The following RGPD3 variants were observed in gnomAD, a reference collection of about 807,000 sequenced individuals.
RGPD3 encodes the protein RANBP2 like and GRIP domain containing 3.
Under a neutral mutation model 154.5 loss-of-function variants are expected in RGPD3, and 62 were observed. That is an observed-to-expected ratio of 0.40 (90% CI 0.33 to 0.50). The LOEUF (loss-of-function observed/expected upper bound fraction) is 0.50, where lower values mean the gene tolerates loss of function less well. Ranked by LOEUF, RGPD3 falls within the 20% of genes least tolerant of loss-of-function variation. RGPD3 has a pLI of 0.59. For missense variants in RGPD3, 919 were observed against 1,716.8 expected, an observed-to-expected ratio of 0.54 and a Z score of 8.21; for synonymous variants, 308 against 607.0, an observed-to-expected ratio of 0.51 and a Z score of 7.24.
chr2:106,457,414 C>G (rs1219279350), intron 3 of RGPD3, among the ~76,000 whole-genome samples, 153 bp downstream of exon 3: 6 of 152,396 alleles, frequency 3.9e-5, no homozygotes, highest in Non-Finnish European at 7.3e-5. Flanking sequence ...TTAAACAATT[C>G]TAAATCTGTT....
At chr2:106,449,068 T>C (rs1181669349) in intron 6 of RGPD3, among the ~76,000 whole-genome samples, 4 of 151,664 alleles carry the variant, frequency 2.6e-5, no homozygotes, top group Non-Finnish European at 5.9e-5. Flanking sequence ...AATCTAGCTA[T>C]GTTCTATTAA....
At chr2:106,467,613 C>A (rs866527153) in intron 1 of RGPD3, among the ~76,000 whole-genome samples, 5 of 136,348 alleles carry the variant, frequency 3.7e-5, no homozygotes, top group East Asian at 2.1e-4. Flanking sequence ...AGGCAGCCGC[C>A]GGGCCGGGTC....
chr2:106,413,737 C>T (rs957830687), intron 21 of RGPD3, among the ~76,000 whole-genome samples: 12 of 152,076 alleles, frequency 7.9e-5, no homozygotes, highest in Admixed American at 2.0e-4. Flanking sequence ...AGTCCAGCAG[C>T]TTACCAAGTA....
Position 106,409,464 on chromosome 2 carries a change from A to G in RGPD3, c.5266+3620T>C, listed in dbSNP as rs1001462549. On this transcript the variant is annotated intron_variant, in intron 22 of 22. Transcript: ENST00000409886. ...TGTTTTCCAGAAGAGATCTTGGAAAATATAAAAGGTTGGCAGTTATTTCTT... is the reference window on the plus strand; with the variant it reads ...TGTTTTCCAGAAGAGATCTTGGAAAGTATAAAAGGTTGGCAGTTATTTCTT... Among the ~76,000 whole-genome samples the G allele has an allele frequency of 5.6e-4, 85 of 152,280 alleles. 1 individual carries two copies. The highest frequency in any genetic ancestry group is 3.4e-3 in the Middle Eastern group (1 of 294).
chr2:106,451,725 T>C (rs1279111382), intron 6 of RGPD3, among the ~76,000 whole-genome samples: 2 of 151,688 alleles, frequency 1.3e-5, no homozygotes, highest in Non-Finnish European at 2.9e-5. Flanking sequence ...AATCAAAATT[T>C]AGGAAAAAAG....
Position 106,405,070 on chromosome 2 carries a change from ACT to A in RGPD3, c.*147_*148del, listed in dbSNP as rs1484875194. The A allele has an allele frequency of 4.7e-6, 4 of 846,752 alleles. No homozygotes were observed. In the African/African-American group the frequency reaches 6.9e-5, roughly 15 times the overall value. The allele number at this position is 846,752 out of a possible 1,614,324, so 52.5% of individuals were successfully genotyped here. On this transcript the variant is annotated 3_prime_UTR_variant, in exon 23 of 23. Transcript: ENST00000409886. Reference sequence around the variant, plus strand: ...TATATGTAAATGCAAACATATACACACTTTTTGACAAAAGAATGATGGTAATA... The same window carrying A: ...TATATGTAAATGCAAACATATACACATTTTGACAAAAGAATGATGGTAATA...
At chr2:106,441,238 C>T (rs1169510717) in intron 8 of RGPD3, 55 bp downstream of exon 8, 1 of 1,571,212 alleles carries the variant, frequency 6.4e-7, no homozygotes, top group Non-Finnish European at 8.6e-7. Context: ...TAAGATATGC[C>T]TTAACAGAAA....
At chr2:106,414,382 G>C (rs906332665) in intron 21 of RGPD3, among the ~76,000 whole-genome samples, 1 of 152,168 alleles carries the variant, frequency 6.6e-6, no homozygotes, top group Non-Finnish European at 1.5e-5. Context: ...CCAACACTTT[G>C]GGAGGCTGAG....
intron 22 of RGPD3, among the ~76,000 whole-genome samples, chr2:106,410,475 C>G (rs1251584997): frequency 6.6e-6 from 1 of 152,038 alleles, no homozygotes; most frequent in Non-Finnish European, 1.5e-5. Context: ...TCAATGGACC[C>G]TTAACTTATA....
intron 22 of RGPD3, among the ~76,000 whole-genome samples, chr2:106,410,177 A>G (rs1676628119): frequency 6.6e-6 from 1 of 152,046 alleles, no homozygotes; most frequent in Non-Finnish European, 1.5e-5. Context: ...GCCAGGCCTT[A>G]CATTCTCTCT....
chr2:106,420,191 G>T (rs1465261254), intron 20 of RGPD3, among the ~76,000 whole-genome samples: 2 of 138,158 alleles, frequency 1.4e-5, no homozygotes, highest in Non-Finnish European at 3.1e-5. Context: ...GGTGACTAGA[G>T]TTGCATCTAG....
At position 106,468,282 on chromosome 2, in the gene RGPD3, AACTCATCGCGCC is replaced by A. The variant is rs1678711649; in HGVS notation, c.-6_6del. The A allele has an allele frequency of 6.2e-7, 1 of 1,606,628 alleles. No individual in the cohort carries two copies. The highest frequency in any genetic ancestry group is 1.7e-5 in the Admixed American group (1 of 59,360). The stretch of plus-strand genomic sequence containing the variant: ...TACCGCTCCCCGTAGGCCTTGCTGC[AACTCATCGCGCC>A]ACCAACCTGGCTCCCGAGATGCGTG... On this transcript the variant is annotated start_lost and 5_prime_UTR_variant, in exon 1 of 23. Transcript: ENST00000409886.
intron 1 of RGPD3, among the ~76,000 whole-genome samples, chr2:106,464,402 A>G (rs1053109191): frequency 2.0e-5 from 3 of 151,630 alleles, no homozygotes; most frequent in East Asian, 1.9e-4. Context: ...AAAAATAACA[A>G]AAGTATATAT....
chr2:106,407,486 G>A (rs1363355485), intron 22 of RGPD3, among the ~76,000 whole-genome samples: 1 of 151,494 alleles, frequency 6.6e-6, no homozygotes, highest in Non-Finnish European at 1.5e-5. Flanking sequence ...ACTTGGCACT[G>A]GTTATGTGTT....
At position 106,438,438 on chromosome 2, in the gene RGPD3, C is replaced by T. The variant is rs547098652; in HGVS notation, c.1276+530G>A. ...AGAAGTTCAAGGCAGCAGTGACCTACGATCACGCCACTACACTCCAGCCCA... is the reference window on the plus strand; with the variant it reads ...AGAAGTTCAAGGCAGCAGTGACCTATGATCACGCCACTACACTCCAGCCCA... On this transcript the variant is annotated intron_variant, in intron 9 of 22. Coordinates refer to ENST00000409886, the MANE Select transcript of RGPD3 (RefSeq NM_001144013.2). Among the ~76,000 whole-genome samples, 747 of 150,198 alleles carry T rather than the reference C, an allele frequency of 5.0e-3. 7 individuals carry two copies. The highest frequency in any genetic ancestry group is 0.017 in the African/African-American group (678 of 41,024).
At chr2:106,465,863 G>A (rs945794363) in intron 1 of RGPD3, among the ~76,000 whole-genome samples, 1 of 151,740 alleles carries the variant, frequency 6.6e-6, no homozygotes, top group Non-Finnish European at 1.5e-5. Context: ...CTCAAAACAA[G>A]GGGACTTTCC....
chr2:106,464,600 T>C (rs1678510485), intron 1 of RGPD3, among the ~76,000 whole-genome samples: 1 of 151,694 alleles, frequency 6.6e-6, no homozygotes, highest in African/African-American at 2.4e-5. Context: ...AAATAAGAGC[T>C]GTCAAGTAGA....
chr2:106,406,386 A>G (rs1474281773), intron 22 of RGPD3, among the ~76,000 whole-genome samples: 2 of 143,302 alleles, frequency 1.4e-5, no homozygotes. Context: ...TTTCAGTGTC[A>G]TATAAGTAGA....
At chr2:106,467,349 A>T (rs867810511) in intron 1 of RGPD3, among the ~76,000 whole-genome samples, 1 of 120,768 alleles carries the variant, frequency 8.3e-6, no homozygotes, top group African/African-American at 3.2e-5. Flanking sequence ...CCGCAGGGCC[A>T]GGTCGAGGCC....
Sources: allele counts gnomAD v4.1 joint callset (sites outside exome capture counted in the v4.1 genomes callset), GRCh38; gene constraint gnomAD v4.1.1; transcripts MANE v1.5; gene names NCBI Gene and HGNC (gene_info 2026-07-23, HGNC 2026-07-21).